Variants in CSNK2A1 observed in about 807,000 individuals in gnomAD.
CSNK2A1 encodes the protein casein kinase II subunit alpha.
CSNK2A1 carries 10 observed loss-of-function variants against 62.9 expected under a neutral mutation model. The ratio of observed to expected loss-of-function variants is 0.16; its 90% CI spans 0.10 to 0.27. The LOEUF is 0.27. Ranked by LOEUF, CSNK2A1 falls within the 10% of genes least tolerant of loss-of-function variation. The probability of loss-of-function intolerance (pLI) is 1.00; values close to 1 mark genes in which losing one functional copy is unlikely to be tolerated. For missense variants in CSNK2A1, 160 were observed against 492.0 expected, an observed-to-expected ratio of 0.33 and a Z score of 6.38; for synonymous variants, 124 against 167.8, an observed-to-expected ratio of 0.74 and a Z score of 2.02.
intron 1 of CSNK2A1, among the ~76,000 whole-genome samples, chr20:536,546 C>T (rs2019329275): frequency 6.6e-6 from 1 of 152,146 alleles, no homozygotes; most frequent in African/African-American, 2.4e-5. Context: ...GACAAGAACT[C>T]CCAGACTTGA....
At chr20:490,034 CTTT>C (rs760882404) in intron 9 of CSNK2A1, among the ~76,000 whole-genome samples, 153 bp from the exon 10 acceptor site, 3 of 142,544 alleles carry the variant, frequency 2.1e-5, no homozygotes, top group African/African-American at 2.6e-5. Context: ...TTTAGTCTTT[CTTT>C]TTTTTTTTTT....
intron 1 of CSNK2A1, among the ~76,000 whole-genome samples, chr20:528,494 C>A (rs2019143651): frequency 6.6e-6 from 1 of 152,182 alleles, no homozygotes; most frequent in Non-Finnish European, 1.5e-5. Context: ...TGGGTGACTG[C>A]AGCCTTGACC....
intron 4 of CSNK2A1, chr20:503,218 C>G (rs1267223536): frequency 3.0e-6 from 1 of 337,870 alleles, no homozygotes; most frequent in South Asian, 1.5e-4. Flanking sequence ...GATCATAGAT[C>G]CGTGCAACCT....
chr20:485,066 C>CAAAAAAAAAAA (rs1157352244), intron 13 of CSNK2A1, among the ~76,000 whole-genome samples: 2 of 22,032 alleles, frequency 9.1e-5, no homozygotes, highest in Non-Finnish European at 1.5e-4. Context: ...ACCTTGTCTC[C>CAAAAAAAAAAA]AAAAAAAAAA....
In CSNK2A1 at chr20:499,950, T is replaced by TAAA; in HGVS notation, c.214-17_214-16insTTT. 1 of 1,520,848 alleles carries TAAA rather than the reference T, an allele frequency of 6.6e-7. No homozygotes were observed. Among genetic ancestry groups the TAAA allele is most frequent in the Non-Finnish European group, 8.9e-7 (1 of 1,128,886 alleles). The allele number at this position is 1,520,848 out of a possible 1,614,324, so 94.2% of individuals were successfully genotyped here. A position where few individuals can be genotyped will look rare whatever the true frequency, so the allele number is the denominator to read the frequency against. On this transcript the variant is annotated splice_polypyrimidine_tract_variant and intron_variant, in intron 4 of 13. Coordinates refer to ENST00000217244, the MANE Select transcript of CSNK2A1 (RefSeq NM_177559.3). The surrounding 1 kb of genome is among the most constrained non-coding windows in gnomAD (Gnocchi z 4.2). ...TTTTTACTGGCTGAAAGGGGAAAAG[T>TAAA]ACATCAGCAAAAAAAAAAAAAAAAA...
At chr20:496,970 T>A (rs1181687659) in intron 7 of CSNK2A1, among the ~76,000 whole-genome samples, 1 of 152,152 alleles carries the variant, frequency 6.6e-6, no homozygotes, top group Non-Finnish European at 1.5e-5. Flanking sequence ...CGTCAGGTGT[T>A]TTCACGAGTT....
chr20:543,766 C>T lies in CSNK2A1; in HGVS notation c.-321G>A, dbSNP rs961336003. 1.0e-5 allele frequency: 4 copies of T among 398,454 alleles called. No individual in the cohort carries two copies. The highest frequency in any genetic ancestry group is 1.8e-5 in the Non-Finnish European group (4 of 225,982). 24.7% of individuals were successfully genotyped at this position (398,454 alleles called of 1,614,324 possible). A position where few individuals can be genotyped will look rare whatever the true frequency, so the allele number is the denominator to read the frequency against. ...AGGAGGAGACACACGGCTCGGCCGC[C>T]AGCCGCAGGGACCAGAGCGAGGCTG... On this transcript the variant is annotated 5_prime_UTR_variant, in exon 1 of 14. Transcript: ENST00000217244.
At chr20:497,267 C>T (rs1470190770) in intron 7 of CSNK2A1, among the ~76,000 whole-genome samples, 1 of 152,138 alleles carries the variant, frequency 6.6e-6, no homozygotes, top group Admixed American at 6.6e-5. Context: ...CCTGTCACAG[C>T]CTCCCAAGTA....
Position 499,975 on chromosome 20 carries a change from AATT to A in CSNK2A1, c.214-44_214-42del. 7.2e-7 allele frequency: 1 copy of A among 1,396,228 alleles called. No individual in the cohort carries two copies. The highest frequency in any genetic ancestry group is 9.8e-7 in the Non-Finnish European group (1 of 1,025,378). The allele number at this position is 1,396,228 out of a possible 1,614,324, so 86.5% of individuals were successfully genotyped here. On this transcript the variant is annotated intron_variant, in intron 4 of 13. Coordinates refer to ENST00000217244, the MANE Select transcript of CSNK2A1 (RefSeq NM_177559.3). The surrounding 1 kb of genome is among the most constrained non-coding windows in gnomAD (Gnocchi z 4.2). Reference sequence around the variant, plus strand: ...TACATCAGCAAAAAAAAAAAAAAAAAATTTTTTCAGAGTATTTCAACACGTAGT... The same window carrying A: ...TACATCAGCAAAAAAAAAAAAAAAAATTTTCAGAGTATTTCAACACGTAGT...
intron 3 of CSNK2A1, chr20:505,932 T>C (rs1269270098): frequency 1.4e-5 from 2 of 141,534 alleles, no homozygotes; most frequent in African/African-American, 5.3e-5. Flanking sequence ...TGGAGTGCAG[T>C]GGCGTGATCT....
chr20:477,883 AAAAACAAAACAAACAAAC>A lies in CSNK2A1; in HGVS notation c.*6060_*6077del, dbSNP rs1274079646. 6.6e-6 allele frequency: 1 copy of A among 152,190 alleles called. No individual in the cohort carries two copies. Among genetic ancestry groups the A allele is most frequent in the Non-Finnish European group, 1.5e-5 (1 of 68,072 alleles). The allele number at this position is 152,190 out of a possible 1,614,324, so 9.4% of individuals were successfully genotyped here. ...GTGCATGTAATCCCATGCCTGTCTC[AAAAACAAAACAAACAAAC>A]AAAACAAAACAAAACAAAAAAACCC... On this transcript the variant is annotated 3_prime_UTR_variant, in exon 14 of 14. Coordinates refer to ENST00000217244, the MANE Select transcript of CSNK2A1 (RefSeq NM_177559.3).
At chr20:490,760 T>C (rs1405897905) in intron 9 of CSNK2A1, among the ~76,000 whole-genome samples, 1 of 150,410 alleles carries the variant, frequency 6.6e-6, no homozygotes, top group Non-Finnish European at 1.5e-5. Context: ...GGCTGGAGTG[T>C]AGTGGCGTGA....
Position 486,323 on chromosome 20 carries a change from G to C in CSNK2A1, c.1060+53C>G. On this transcript the variant is annotated intron_variant, in intron 13 of 13. Transcript: ENST00000217244. ...ACAAGAAATCAGACCACAAAGCTAA[G>C]AACAGTAATTGACTTCCACATTTTT... 5 of 1,601,936 alleles carry C rather than the reference G, an allele frequency of 3.1e-6. No individual in the cohort carries two copies. The South Asian group carries it at 4.4e-5, about 14-fold the overall frequency.
chr20:488,625 T>A (rs1394171682), intron 11 of CSNK2A1, 53 bp downstream of exon 11: 8 of 1,546,642 alleles, frequency 5.2e-6, no homozygotes, highest in Non-Finnish European at 4.5e-6. Flanking sequence ...AAGTGCCAGT[T>A]CACTCTCAAA....
chr20:540,816 T>C (rs2019434957), intron 1 of CSNK2A1: 1 of 152,182 alleles, frequency 6.6e-6, no homozygotes, highest in African/African-American at 2.4e-5. Context: ...TAACACAAAT[T>C]TGTTATCTCA....
intron 1 of CSNK2A1, among the ~76,000 whole-genome samples, chr20:540,509 A>G (rs559305475): frequency 1.3e-5 from 2 of 152,292 alleles, no homozygotes; most frequent in South Asian, 2.1e-4. Flanking sequence ...AGAGTCATTA[A>G]CATCCATATT....
At chr20:537,473 C>T (rs1415713418) in intron 1 of CSNK2A1, among the ~76,000 whole-genome samples, 2 of 151,614 alleles carry the variant, frequency 1.3e-5, no homozygotes, top group Non-Finnish European at 2.9e-5. Context: ...TTTTAAAAGA[C>T]TCAATCTTTG....
chr20:486,560 A>T, intron 12 of CSNK2A1, 98 bp from the exon 13 acceptor site: 4 of 1,282,352 alleles, frequency 3.1e-6, no homozygotes, highest in Non-Finnish European at 4.4e-6. Context: ...TTTGCAATTT[A>T]TATATACTCT....
At chr20:541,645 G>T (rs924075675) in intron 1 of CSNK2A1, among the ~76,000 whole-genome samples, 1 of 152,150 alleles carries the variant, frequency 6.6e-6, no homozygotes, top group Non-Finnish European at 1.5e-5. Context: ...TCCTCAAATT[G>T]CAAGGCACTT....
Sources: allele counts gnomAD v4.1 joint callset (sites outside exome capture counted in the v4.1 genomes callset), GRCh38; gene constraint gnomAD v4.1.1; non-coding constraint Gnocchi (gnomAD v3.1); transcripts MANE v1.5; gene names NCBI Gene and HGNC (gene_info 2026-07-23, HGNC 2026-07-21).